Variants in CALCR observed in about 807,000 individuals in gnomAD.
The protein encoded by CALCR is calcitonin receptor.
In CALCR, 47 loss-of-function variants were observed where a neutral mutation model predicts 59.5. The ratio of observed to expected loss-of-function variants is 0.79; its 90% CI spans 0.63 to 1.01. The LOEUF is 1.01. Among genes scored for constraint, CALCR ranks in the 50% least tolerant of loss-of-function variants. The pLI is 0.00. For synonymous variants in CALCR, 213 were observed against 211.3 expected (o/e 1.01, Z -0.07); for missense variants, 566 against 597.1 (o/e 0.95, Z 0.54).
chr7:93,567,710 C>T (rs1167611595), intron 2 of CALCR, among the ~76,000 whole-genome samples: 2 of 151,944 alleles, frequency 1.3e-5, no homozygotes, highest in Admixed American at 6.6e-5. Flanking sequence ...AGCCCCCTGC[C>T]CCCCAACAGG....
At chr7:93,460,795 TA>T in intron 8 of CALCR, 25 bp downstream of exon 8, 1 of 1,549,946 alleles carries the variant, frequency 6.5e-7, no homozygotes, top group Non-Finnish European at 8.7e-7. Flanking sequence ...AAAATAAAAG[TA>T]AAAACAAAAC....
intron 2 of CALCR, among the ~76,000 whole-genome samples, chr7:93,550,563 A>G (rs1447890777): frequency 1.4e-5 from 2 of 147,134 alleles, no homozygotes; most frequent in Non-Finnish European, 3.0e-5. Flanking sequence ...TTTAGAATTC[A>G]CAATAATTAT....
intron 2 of CALCR, among the ~76,000 whole-genome samples, chr7:93,573,348 G>A (rs568881511): frequency 1.3e-5 from 2 of 152,300 alleles, no homozygotes; most frequent in Admixed American, 6.5e-5. Context: ...GAACTACATT[G>A]TAAAACTTTG....
At chr7:93,468,985 T>G in intron 6 of CALCR, among the ~76,000 whole-genome samples, 179 bp from the exon 7 acceptor site, 1 of 151,926 alleles carries the variant, frequency 6.6e-6, no homozygotes, top group Non-Finnish European at 1.5e-5. Flanking sequence ...CATGTCATTT[T>G]ATGAAAATAA....
chr7:93,567,174 A>T (rs1182495674), intron 2 of CALCR, among the ~76,000 whole-genome samples: 1 of 152,254 alleles, frequency 6.6e-6, no homozygotes, highest in Non-Finnish European at 1.5e-5. Flanking sequence ...AATGGATGTT[A>T]AGAATATGAA....
At chr7:93,496,373 G>T (rs1440222211) in intron 2 of CALCR, among the ~76,000 whole-genome samples, 1 of 151,392 alleles carries the variant, frequency 6.6e-6, no homozygotes, top group Non-Finnish European at 1.5e-5. Flanking sequence ...CACTTTTATG[G>T]TGTGATAACA....
intron 7 of CALCR, among the ~76,000 whole-genome samples, chr7:93,462,961 C>A (rs1057416960): frequency 2.6e-5 from 4 of 151,996 alleles, no homozygotes; most frequent in South Asian, 2.1e-4. Flanking sequence ...TTTTATACAT[C>A]TAGAACACTC....
chr7:93,513,237 C>A (rs772403189), intron 2 of CALCR, among the ~76,000 whole-genome samples: 1 of 152,006 alleles, frequency 6.6e-6, no homozygotes, highest in Non-Finnish European at 1.5e-5. Flanking sequence ...TGACAATTGG[C>A]AGCCCCAAAT....
chr7:93,491,711 A>G (rs923548529), intron 2 of CALCR, among the ~76,000 whole-genome samples: 1 of 152,038 alleles, frequency 6.6e-6, no homozygotes, highest in Non-Finnish European at 1.5e-5. Flanking sequence ...ATACCATGTC[A>G]CACCGGTCAG....
At chr7:93,471,840 G>C (rs376962455) in intron 6 of CALCR, among the ~76,000 whole-genome samples, 2 of 151,892 alleles carry the variant, frequency 1.3e-5, no homozygotes, top group African/African-American at 4.8e-5. Flanking sequence ...TAAAATGCAA[G>C]TACTAACAAT....
chr7:93,547,151 G>A (rs925498719), intron 2 of CALCR, among the ~76,000 whole-genome samples: 1 of 152,132 alleles, frequency 6.6e-6, no homozygotes, highest in Non-Finnish European at 1.5e-5. Context: ...TGACTTGTGG[G>A]AACTCCACTC....
At chr7:93,464,745 T>C (rs981010748) in intron 7 of CALCR, among the ~76,000 whole-genome samples, 1 of 151,894 alleles carries the variant, frequency 6.6e-6, no homozygotes, top group Admixed American at 6.6e-5. Context: ...GTCCTGCCAG[T>C]GGTGAGTTGG....
At chr7:93,536,593 G>C (rs888866972) in intron 2 of CALCR, among the ~76,000 whole-genome samples, 1 of 151,584 alleles carries the variant, frequency 6.6e-6, no homozygotes, top group African/African-American at 2.4e-5. Context: ...TGTGCACAAC[G>C]TGCAAGTTTG....
intron 8 of CALCR, among the ~76,000 whole-genome samples, chr7:93,449,961 T>C (rs1424962511): frequency 6.6e-6 from 1 of 152,024 alleles, no homozygotes; most frequent in Non-Finnish European, 1.5e-5. Context: ...GTGTTTCCCT[T>C]TGCGCTATGG....
At chr7:93,540,759 AATATT>A (rs1296123439) in intron 2 of CALCR, among the ~76,000 whole-genome samples, 2 of 60,558 alleles carry the variant, frequency 3.3e-5, no homozygotes, top group South Asian at 7.2e-4. Flanking sequence ...TATATTATAT[AATATT>A]ATATTTATAT....
At chr7:93,526,202 T>C (rs1219137034) in intron 2 of CALCR, among the ~76,000 whole-genome samples, 2 of 152,168 alleles carry the variant, frequency 1.3e-5, no homozygotes, top group African/African-American at 4.8e-5. Context: ...TGTATGTTTG[T>C]TTAAGTGAGG....
In CALCR at chr7:93,550,436, C is replaced by T. The variant is rs1360879577; in HGVS notation, c.-27+23853G>A. Reference sequence around the variant, plus strand: ...CCGGGAGGCGGAGATTGCAGTGAGCCGAGATCATGCCATTGCACTCCAGCC... The same window carrying T: ...CCGGGAGGCGGAGATTGCAGTGAGCTGAGATCATGCCATTGCACTCCAGCC... On this transcript the variant is annotated intron_variant, in intron 2 of 13. Coordinates refer to ENST00000426151, the MANE Select transcript of CALCR (RefSeq NM_001742.4). 4.3e-5 allele frequency among the ~76,000 whole-genome samples: 6 copies of T among 139,770 alleles called. No individual in the cohort carries two copies. The East Asian group carries it at 8.2e-4, about 19-fold the overall frequency. The allele number at this position is 139,770 out of a possible 152,430, so 91.7% of individuals were successfully genotyped here. A position where few individuals can be genotyped will look rare whatever the true frequency, so the allele number is the denominator to read the frequency against.
intron 2 of CALCR, among the ~76,000 whole-genome samples, chr7:93,500,270 T>C (rs1353413248): frequency 6.6e-6 from 1 of 151,952 alleles, no homozygotes; most frequent in Non-Finnish European, 1.5e-5. Context: ...GAAATAACCA[T>C]AATGATAGTT....
intron 8 of CALCR, among the ~76,000 whole-genome samples, chr7:93,460,018 A>G (rs1423207808): frequency 6.6e-6 from 1 of 152,146 alleles, no homozygotes; most frequent in African/African-American, 2.4e-5. Context: ...GACACAAAAC[A>G]TGATCATATT....
Sources: gnomAD v4.1 joint callset for allele counts (sites outside exome capture counted in the v4.1 genomes callset) on GRCh38, gnomAD v4.1.1 for gene constraint, MANE v1.5 for transcripts, NCBI Gene and HGNC (gene_info 2026-07-23, HGNC 2026-07-21) for gene names.